PLD5: variants seen among roughly 807,000 people sequenced by gnomAD.
PLD5 encodes the protein phospholipase D family member 5.
PLD5 carries 36 observed loss-of-function variants against 61.1 expected under a neutral mutation model. The observed-to-expected ratio is 0.59, with a 90% CI of 0.45 to 0.78. The LOEUF (loss-of-function observed/expected upper bound fraction) is 0.78, where lower values mean the gene tolerates loss of function less well. PLD5 is among the 30% of genes least tolerant of loss of function. The pLI, the probability that PLD5 is intolerant of heterozygous loss-of-function variation, is 0.00. For synonymous variants in PLD5, 243 were observed against 242.8 expected, an observed-to-expected ratio of 1.00 and a Z score of -0.01; for missense variants, 515 against 644.4, an observed-to-expected ratio of 0.80 and a Z score of 2.17.
At chr1:242,174,907 G>T (rs939977177) in intron 5 of PLD5, among the ~76,000 whole-genome samples, 9 of 152,154 alleles carry the variant, frequency 5.9e-5, no homozygotes, top group African/African-American at 2.2e-4. Flanking sequence ...CATGAGGTGG[G>T]GGGAGGGATA....
chr1:242,464,915 G>A (rs913810849), intron 1 of PLD5, among the ~76,000 whole-genome samples: 2 of 152,168 alleles, frequency 1.3e-5, no homozygotes, highest in African/African-American at 2.4e-5. Context: ...CACATATTGT[G>A]TGATTCCCTT....
chr1:242,324,823 T>C (rs1658646308), intron 2 of PLD5, among the ~76,000 whole-genome samples: 1 of 152,034 alleles, frequency 6.6e-6, no homozygotes, highest in South Asian at 2.1e-4. Context: ...AACTGGCTGA[T>C]CAGGTCTTGT....
At chr1:242,116,143 G>A (rs1661927932) in intron 6 of PLD5, among the ~76,000 whole-genome samples, 1 of 152,156 alleles carries the variant, frequency 6.6e-6, no homozygotes. Context: ...TTTTGGAACT[G>A]CCTGGAATGA....
intron 1 of PLD5, among the ~76,000 whole-genome samples, chr1:242,484,761 G>A (rs1284068175): frequency 6.6e-6 from 1 of 152,140 alleles, no homozygotes; most frequent in East Asian, 1.9e-4. Flanking sequence ...AGCAAAAAAA[G>A]AGAATTTTAG....
intron 4 of PLD5, among the ~76,000 whole-genome samples, chr1:242,225,899 T>C (rs1367588953): frequency 6.6e-6 from 1 of 152,118 alleles, no homozygotes; most frequent in Non-Finnish European, 1.5e-5. Context: ...TACCTAGGAG[T>C]GAGACTGCTG....
rs1018530190 is a variant in PLD5 at position 242,088,687 on chromosome 1, A to C, written c.*1167T>G. Reference sequence around the variant, plus strand: ...TCTCCCTAGTGTAGCAATGGTCTCCATTAATACAGGGGTATATATTGTATA... The same window carrying C: ...TCTCCCTAGTGTAGCAATGGTCTCCCTTAATACAGGGGTATATATTGTATA... On this transcript the variant is annotated 3_prime_UTR_variant, in exon 10 of 10. Transcript: ENST00000536534. 1 of 152,222 alleles carries C rather than the reference A, an allele frequency of 6.6e-6. No homozygotes were observed. The highest frequency in any genetic ancestry group is 1.5e-5 in the Non-Finnish European group (1 of 68,042). The allele number at this position is 152,222 out of a possible 1,614,324, so 9.4% of individuals were successfully genotyped here.
At chr1:242,506,968 C>T (rs1005258348) in intron 1 of PLD5, among the ~76,000 whole-genome samples, 10 of 152,144 alleles carry the variant, frequency 6.6e-5, no homozygotes, top group Non-Finnish European at 4.4e-5. Context: ...CCACCACCAC[C>T]GTCCTCAGTA....
At chr1:242,421,103 C>A (rs1486769541) in intron 1 of PLD5, among the ~76,000 whole-genome samples, 1 of 149,606 alleles carries the variant, frequency 6.7e-6, no homozygotes, top group African/African-American at 2.5e-5. Flanking sequence ...TCACTTGAAC[C>A]CTGGAGGTGA....
intron 1 of PLD5, among the ~76,000 whole-genome samples, chr1:242,369,629 A>C (rs1558502991): frequency 6.6e-6 from 1 of 152,224 alleles, no homozygotes; most frequent in African/African-American, 2.4e-5. Context: ...TTGTGAGGTC[A>C]GAGGAGTTGT....
At position 242,270,535 on chromosome 1, in the gene PLD5, T is replaced by C. The variant is rs181073719; in HGVS notation, c.496-5087A>G. Reference sequence around the variant, plus strand: ...AAAGTCGGAAAAGGAAGGGGTATTCTTAAAGAAAGTTACTCCCCAGTCTCT... The same window carrying C: ...AAAGTCGGAAAAGGAAGGGGTATTCCTAAAGAAAGTTACTCCCCAGTCTCT... On this transcript the variant is annotated intron_variant, in intron 3 of 9. Transcript: ENST00000536534. Among the ~76,000 whole-genome samples the C allele has an allele frequency of 1.1e-4, 16 of 152,284 alleles. No homozygotes were observed. The East Asian group carries it at 3.1e-3, about 29-fold the overall frequency.
intron 1 of PLD5, among the ~76,000 whole-genome samples, chr1:242,387,749 T>C (rs1662684404): frequency 6.7e-6 from 1 of 149,524 alleles, no homozygotes; most frequent in Admixed American, 6.7e-5. Flanking sequence ...ATATATGATA[T>C]ATATCAAAAT....
intron 1 of PLD5, among the ~76,000 whole-genome samples, chr1:242,511,020 T>A (rs941610800): frequency 2.6e-5 from 4 of 152,110 alleles, no homozygotes; most frequent in Non-Finnish European, 4.4e-5. Flanking sequence ...AAAATATCTT[T>A]AAGATGTTAG....
chr1:242,299,646 A>T (rs538756200), intron 2 of PLD5, among the ~76,000 whole-genome samples: 1 of 152,350 alleles, frequency 6.6e-6, no homozygotes, highest in South Asian at 2.1e-4. Flanking sequence ...GTCCTGGGGC[A>T]TGAGGTCCAT....
Position 242,290,412 on chromosome 1 carries a change from G to A in PLD5, c.327-1882C>T, listed in dbSNP as rs199800290. Among the ~76,000 whole-genome samples the A allele has an allele frequency of 7.2e-5, 11 of 152,142 alleles. No individual in the cohort carries two copies. The East Asian group carries it at 7.7e-4, about 11-fold the overall frequency. On this transcript the variant is annotated intron_variant, in intron 2 of 9. Coordinates refer to ENST00000536534, the MANE Select transcript of PLD5 (RefSeq NM_001372062.1). ...TGTGAGTTAGTGAGCCAAGGGGAGC[G>A]TGAAGTAGGAAAGTTACGGTAGGAG...
At chr1:242,198,343 G>A (rs7518558) in intron 5 of PLD5, among the ~76,000 whole-genome samples, 20 of 152,272 alleles carry the variant, frequency 1.3e-4, no homozygotes, top group South Asian at 8.3e-4. Flanking sequence ...TAAATGGCAC[G>A]AAATGCTTTT....
upstream of PLD5, among the ~76,000 whole-genome samples, chr1:242,525,811 A>G (rs978249978): frequency 3.3e-5 from 5 of 152,196 alleles, no homozygotes; most frequent in Non-Finnish European, 7.3e-5. Flanking sequence ...ATTGTGTTTC[A>G]TATCTTTTCA....
chr1:242,216,757 A>G (rs1276393800), intron 5 of PLD5, among the ~76,000 whole-genome samples: 1 of 152,180 alleles, frequency 6.6e-6, no homozygotes, highest in Non-Finnish European at 1.5e-5. Flanking sequence ...TCTCTCATCC[A>G]TCACTGAGTT....
intron 9 of PLD5, among the ~76,000 whole-genome samples, chr1:242,093,744 T>G (rs1660018638): frequency 6.6e-6 from 1 of 151,992 alleles, no homozygotes; most frequent in South Asian, 2.1e-4. Flanking sequence ...ACATTGAGAA[T>G]TCTGCTACGT....
intron 1 of PLD5, among the ~76,000 whole-genome samples, chr1:242,426,280 T>C (rs1483728911): frequency 1.4e-5 from 2 of 139,470 alleles, no homozygotes; most frequent in East Asian, 2.1e-4. Flanking sequence ...AAATACCTCC[T>C]GGAGGACCTG....
Sources: allele counts gnomAD v4.1 joint callset (sites outside exome capture counted in the v4.1 genomes callset), GRCh38; gene constraint gnomAD v4.1.1; transcripts MANE v1.5; gene names NCBI Gene and HGNC (gene_info 2026-07-23, HGNC 2026-07-21).